BDNF: variants seen among roughly 807,000 people sequenced by gnomAD.
The protein encoded by BDNF is neurotrophic factor BDNF precursor form.
BDNF carries 1 observed loss-of-function variant against 19.5 expected under a neutral mutation model. That is an observed-to-expected ratio of 0.05 (90% CI 0.02 to 0.24). BDNF has a LOEUF of 0.24. BDNF is among the 10% of genes least tolerant of loss of function. BDNF has a pLI of 1.00. For synonymous variants in BDNF, 100 were observed against 121.6 expected, an observed-to-expected ratio of 0.82 and a Z score of 1.17; for missense variants, 195 against 317.6, an observed-to-expected ratio of 0.61 and a Z score of 2.93.
chr11:27,700,936 G>C (rs746978379), upstream of BDNF: 2 of 1,347,476 alleles, frequency 1.5e-6, no homozygotes, highest in Admixed American at 4.0e-5. Context: ...AAGTTCTCTG[G>C]GAGAGGGCGT....
rs1020273423 is a variant in BDNF, at chr11:27,675,495, G to C, written c.-21-16910C>G. 2.6e-5 allele frequency: 4 copies of C among 152,156 alleles called. No individual in the cohort carries two copies. In the South Asian group the frequency reaches 8.3e-4, roughly 32 times the overall value. 9.4% of individuals were successfully genotyped at this position (152,156 alleles called of 1,614,324 possible). A position where few individuals can be genotyped will look rare whatever the true frequency, so the allele number is the denominator to read the frequency against. ...AAATACTCCTCTGTCAACTCTACTT[G>C]AGTAAGAACGCTTTCAATTAAGGCC... On this transcript the variant is annotated intron_variant, in intron 1 of 1. Coordinates refer to ENST00000356660, the MANE Select transcript of BDNF (RefSeq NM_001709.5).
intron 1 of BDNF, among the ~76,000 whole-genome samples, chr11:27,720,139 C>T (rs954574390): frequency 1.3e-5 from 2 of 152,032 alleles, no homozygotes; most frequent in Non-Finnish European, 2.9e-5. Flanking sequence ...TCATTATATC[C>T]GCAGGAAGAC....
At chr11:27,705,894 A>G (rs1860088394) in intron 1 of BDNF, among the ~76,000 whole-genome samples, 1 of 152,250 alleles carries the variant, frequency 6.6e-6, no homozygotes, top group Non-Finnish European at 1.5e-5. Flanking sequence ...TGCATAAAAT[A>G]CATTTTAGCC....
At chr11:27,687,585 G>A (rs1001054139) in intron 1 of BDNF, among the ~76,000 whole-genome samples, 9 of 152,164 alleles carry the variant, frequency 5.9e-5, no homozygotes, top group Non-Finnish European at 1.2e-4. Context: ...ACCTTTGTAC[G>A]GGGTTTTCGT....
chr11:27,711,356 G>A (rs570943576), intron 1 of BDNF, among the ~76,000 whole-genome samples: 2 of 152,266 alleles, frequency 1.3e-5, no homozygotes, highest in South Asian at 4.1e-4. Context: ...TTATGATTAT[G>A]AAAACTGGGC....
rs984926385 is a variant in BDNF at position 27,673,115 on chromosome 11, C to T, written c.-21-14530G>A. Among the ~76,000 whole-genome samples, 3 of 152,188 alleles carry T rather than the reference C, an allele frequency of 2.0e-5. No individual in the cohort carries two copies. The East Asian group carries it at 5.8e-4, about 29-fold the overall frequency. The stretch of plus-strand genomic sequence containing the variant: ...ACCTTCAGCCCCACATTTAAAAGTA[C>T]AGTGTAAACACAGCTAAGGGACCGC... On this transcript the variant is annotated intron_variant, in intron 1 of 1. Coordinates refer to ENST00000356660, the MANE Select transcript of BDNF (RefSeq NM_001709.5).
intron 1 of BDNF, among the ~76,000 whole-genome samples, chr11:27,678,573 T>C (rs1213038889): frequency 1.3e-5 from 2 of 152,190 alleles, no homozygotes; most frequent in Non-Finnish European, 2.9e-5. Flanking sequence ...GTAAAGATAC[T>C]GATACGAACA....
chr11:27,711,927 C>G (rs1385121673), intron 1 of BDNF, among the ~76,000 whole-genome samples: 2 of 152,080 alleles, frequency 1.3e-5, no homozygotes. Flanking sequence ...AACTTTTTAT[C>G]TTTTTCAATG....
chr11:27,674,503 A>G (rs953937757), intron 1 of BDNF: 1 of 985,168 alleles, frequency 1.0e-6, no homozygotes, highest in Admixed American at 6.2e-5. Flanking sequence ...GGCCCTGTGC[A>G]TAATGAGCCA....
Position 27,658,534 on chromosome 11 carries a change from A to G in BDNF, c.31T>C (p.Ser11Pro). Residue 11 changes from serine (S) to proline (P), a missense_variant, in exon 2 of 2, where the codon TCA (serine) becomes CCA (proline). Transcript: ENST00000356660. The surrounding 1 kb of genome is among the most constrained non-coding windows in gnomAD (Gnocchi z 5.7). ...GCAGCCTTCATGCAACCAAAGTATG[A>G]AATAACCATAGTAAGGAAAAGGATG... The part of the protein sequence containing the change: MTILFLTMVI[S>P]YFGCMKAAPM... 6.2e-7 allele frequency: 1 copy of G among 1,614,184 alleles called. No individual in the cohort carries two copies. The highest frequency in any genetic ancestry group is 8.5e-7 in the Non-Finnish European group (1 of 1,180,022).
intron 1 of BDNF, chr11:27,659,011 A>G (rs1262786571): frequency 4.6e-6 from 5 of 1,088,528 alleles, no homozygotes; most frequent in African/African-American, 1.7e-5. Flanking sequence ...AGTTAGCAAC[A>G]TGGTCCTTTG....
At position 27,706,827 on chromosome 11, in the gene BDNF, T is replaced by C. The variant is rs148312272; in HGVS notation, c.3+14585A>G. ...TGCAACTTGGAGACAAAGTAGTGGT[T>C]GTTTAATAAAAAGATGAGCCTTCAT... On this transcript the variant is annotated intron_variant, in intron 1 of 1. Coordinates refer to the BDNF transcript ENST00000314915. Among the ~76,000 whole-genome samples, 695 of 152,330 alleles carry C rather than the reference T, an allele frequency of 4.6e-3. 3 individuals are homozygous for C. The highest frequency in any genetic ancestry group is 0.028 in the East Asian group (146 of 5,178).
chr11:27,694,888 C>G (rs530144918), intron 1 of BDNF, among the ~76,000 whole-genome samples: 8 of 152,088 alleles, frequency 5.3e-5, no homozygotes, highest in Non-Finnish European at 1.2e-4. Context: ...AACCTTTATA[C>G]TCAATGGTTC....
intron 1 of BDNF, among the ~76,000 whole-genome samples, chr11:27,692,057 G>C (rs890123860): frequency 6.6e-6 from 1 of 152,084 alleles, no homozygotes; most frequent in African/African-American, 2.4e-5. Flanking sequence ...TTGAGAATCT[G>C]TATACAAATA....
At chr11:27,709,040 G>A (rs912132331) in intron 1 of BDNF, among the ~76,000 whole-genome samples, 1 of 151,762 alleles carries the variant, frequency 6.6e-6, no homozygotes, top group Admixed American at 6.6e-5. Flanking sequence ...TGTTGGCCAG[G>A]CTGGTCTCGA....
intron 1 of BDNF, among the ~76,000 whole-genome samples, chr11:27,710,222 C>A (rs927108491): frequency 2.6e-5 from 4 of 152,150 alleles, no homozygotes; most frequent in Admixed American, 6.5e-5. Context: ...TACTTATATG[C>A]CTTTGGCAGC....
chr11:27,659,558 T>C lies in BDNF; in HGVS notation c.-21-973A>G, dbSNP rs192802073. 4.0e-6 allele frequency: 4 copies of C among 1,000,342 alleles called. No homozygotes were observed. In the African/African-American group the frequency reaches 5.2e-5, roughly 13 times the overall value. 62.0% of individuals were successfully genotyped at this position (1,000,342 alleles called of 1,614,324 possible). A position where few individuals can be genotyped will look rare whatever the true frequency, so the allele number is the denominator to read the frequency against. On this transcript the variant is annotated intron_variant, in intron 1 of 1. Transcript: ENST00000356660. ...CAGTTCTCTAAAACCCTTCACTCCT[T>C]GGCTTTTTCTGGCTAATACACACAT...
At chr11:27,703,833 A>T (rs1009735688), upstream of BDNF, among the ~76,000 whole-genome samples, 11 of 152,356 alleles carry the variant, frequency 7.2e-5, 1 homozygote, top group Admixed American at 7.2e-4. Flanking sequence ...ATTTGTGATT[A>T]TAGCATTGCC....
intron 1 of BDNF, among the ~76,000 whole-genome samples, chr11:27,666,748 T>A (rs1375018893): frequency 1.3e-5 from 2 of 152,122 alleles, no homozygotes; most frequent in Non-Finnish European, 2.9e-5. Context: ...GAACAAAGCC[T>A]CCAAGAAATA....
Sources: gnomAD v4.1 joint callset for allele counts (sites outside exome capture counted in the v4.1 genomes callset) on GRCh38, gnomAD v4.1.1 for gene constraint, Gnocchi (gnomAD v3.1) non-coding constraint, MANE v1.5 for transcripts, NCBI Gene and HGNC (gene_info 2026-07-23, HGNC 2026-07-21) for gene names.